Variants in FBLN1 observed in about 807,000 individuals in gnomAD.
FBLN1 encodes fibulin-1.
Under a neutral mutation model 89.7 loss-of-function variants are expected in FBLN1, and 34 were observed. That is an observed-to-expected ratio of 0.38 (90% CI 0.29 to 0.50). The LOEUF (loss-of-function observed/expected upper bound fraction) is 0.50, where lower values mean the gene tolerates loss of function less well. Ranked by LOEUF, FBLN1 falls within the 20% of genes least tolerant of loss-of-function variation. The probability of loss-of-function intolerance (pLI) is 0.92; values close to 1 mark genes in which losing one functional copy is unlikely to be tolerated. For synonymous variants in FBLN1, 393 were observed against 391.3 expected, an observed-to-expected ratio of 1.00 and a Z score of -0.05; for missense variants, 777 against 988.1, an observed-to-expected ratio of 0.79 and a Z score of 2.86.
In FBLN1 at chr22:45,583,083, G is replaced by A. The variant is rs1296961888; in HGVS notation, c.1972+5975G>A. Among the ~76,000 whole-genome samples, 2 of 152,168 alleles carry A rather than the reference G, an allele frequency of 1.3e-5. No individual in the cohort carries two copies. The highest frequency in any genetic ancestry group is 4.8e-5 in the African/African-American group (2 of 41,446). On this transcript the variant is annotated intron_variant, in intron 16 of 16. Coordinates refer to ENST00000327858, the MANE Select transcript of FBLN1 (RefSeq NM_006486.3). The surrounding 1 kb of genome is among the most constrained non-coding windows in gnomAD (Gnocchi z 4.5). ...TGCTGTTAGATCCTCGAGCAGCCTT[G>A]TGGGACAGCCACCCTGGGGCTGGTA...
At chr22:45,571,881 A>G (rs2088956016) in intron 14 of FBLN1, among the ~76,000 whole-genome samples, 1 of 152,196 alleles carries the variant, frequency 6.6e-6, no homozygotes. Flanking sequence ...CTATAATCCC[A>G]GCACTATGGG....
chr22:45,547,387 T>TG (rs1491484336), intron 12 of FBLN1, among the ~76,000 whole-genome samples, 183 bp downstream of exon 12: 1 of 12,226 alleles, frequency 8.2e-5, no homozygotes, highest in East Asian at 1.7e-3. Context: ...CCAACTGAGG[T>TG]TTTTTTTTTT....
chr22:45,573,569 T>C (rs2088968056), intron 14 of FBLN1, among the ~76,000 whole-genome samples: 2 of 149,144 alleles, frequency 1.3e-5, no homozygotes, highest in East Asian at 4.0e-4. Flanking sequence ...TAATCCCAGC[T>C]ACTCAGGAGG....
intron 16 of FBLN1, 96 bp from the exon 17 acceptor site, chr22:45,600,211 T>C (rs528122778): frequency 1.5e-5 from 23 of 1,486,980 alleles, no homozygotes; most frequent in Middle Eastern, 2.1e-4. Flanking sequence ...TATGCCTCCT[T>C]CTAGCTCTGA....
intron 14 of FBLN1, among the ~76,000 whole-genome samples, chr22:45,564,247 C>T (rs935185138): frequency 1.3e-5 from 2 of 152,228 alleles, no homozygotes; most frequent in South Asian, 4.1e-4. Context: ...CATCTGTCCC[C>T]CTCTGCTGCT....
Position 45,581,454 on chromosome 22 carries a change from C to T in FBLN1, c.1972+4346C>T, listed in dbSNP as rs1385818986. Among the ~76,000 whole-genome samples, 2 of 152,100 alleles carry T rather than the reference C, an allele frequency of 1.3e-5. No homozygotes were observed. Among genetic ancestry groups the T allele is most frequent in the East Asian group, 1.9e-4 (1 of 5,170 alleles). On this transcript the variant is annotated intron_variant, in intron 16 of 16. Transcript: ENST00000327858. This position sits in a 1 kb window ranked among gnomAD's most constrained non-coding sequence, Gnocchi z 7.6. ...GGGCCTGGCCTGCAAAAACGCCCTC[C>T]CTATTTCTCCAGGGAGGGAAATCTG...
At position 45,597,900 on chromosome 22, in the gene FBLN1, A is replaced by C. The variant is rs892570596; in HGVS notation, c.1973-2407A>C. Among the ~76,000 whole-genome samples the C allele has an allele frequency of 6.6e-6, 1 of 152,110 alleles. No homozygotes were observed. Among genetic ancestry groups the C allele is most frequent in the African/African-American group, 2.4e-5 (1 of 41,424 alleles). ...TAAGCCCAGAGAGCGAAAGGGGGGAACGTTGTGCCCAGATTCTCTTTCTGA... is the reference window on the plus strand; with the variant it reads ...TAAGCCCAGAGAGCGAAAGGGGGGACCGTTGTGCCCAGATTCTCTTTCTGA... On this transcript the variant is annotated intron_variant, in intron 16 of 16. Transcript: ENST00000327858. This position sits in a 1 kb window ranked among gnomAD's most constrained non-coding sequence, Gnocchi z 4.2.
intron 8 of FBLN1, among the ~76,000 whole-genome samples, chr22:45,539,839 A>C (rs2088531863): frequency 6.6e-6 from 1 of 152,214 alleles, no homozygotes; most frequent in African/African-American, 2.4e-5. Context: ...GTTCTGTGGA[A>C]CAGAGTTTGG....
chr22:45,508,990 G>A (rs1297419018), intron 1 of FBLN1, among the ~76,000 whole-genome samples: 1 of 152,194 alleles, frequency 6.6e-6, no homozygotes, highest in African/African-American at 2.4e-5. Context: ...GCATATGTGT[G>A]TGCATTGGCG....
chr22:45,518,835 A>G, intron 2 of FBLN1, 48 bp downstream of exon 2: 2 of 1,480,484 alleles, frequency 1.4e-6, no homozygotes, highest in Non-Finnish European at 1.9e-6. Context: ...GTTCCTTTAG[A>G]GAAAAGTGGG....
intron 1 of FBLN1, among the ~76,000 whole-genome samples, chr22:45,514,696 G>A (rs984992184): frequency 6.6e-6 from 1 of 152,292 alleles, no homozygotes; most frequent in East Asian, 1.9e-4. Flanking sequence ...CCCTTGCCCT[G>A]GCTCTGTTTA....
intron 1 of FBLN1, among the ~76,000 whole-genome samples, chr22:45,510,705 C>T (rs996850391): frequency 6.6e-6 from 1 of 152,118 alleles, no homozygotes; most frequent in Admixed American, 6.5e-5. Flanking sequence ...AGAAAGAGCA[C>T]GTGGCCATAT....
rs532634606 is a variant in FBLN1 at position 45,525,622 on chromosome 22, G to A, written c.265G>A (p.Asp89Asn). The A allele has an allele frequency of 1.9e-6, 3 of 1,551,112 alleles. No homozygotes were observed. Among genetic ancestry groups the A allele is most frequent in the Non-Finnish European group, 2.6e-6 (3 of 1,146,954 alleles). Residue 89 changes from aspartate (D) to asparagine (N), a missense_variant, in exon 3 of 17, where the codon GAC (aspartate) becomes AAC (asparagine). Asp to Asn is a conservative substitution (Grantham distance 23). Coordinates refer to ENST00000327858, the MANE Select transcript of FBLN1 (RefSeq NM_006486.3). ...GGGCATCAGCCTGGCCAACGAGCAG[G>A]ACCGCTGTGCCACGCCCCACGGTGA... ...ATGISLANEQ[D>N]RCATPHGDNA...
At chr22:45,567,343 C>T (rs779157333) in intron 14 of FBLN1, among the ~76,000 whole-genome samples, 5 of 152,168 alleles carry the variant, frequency 3.3e-5, no homozygotes, top group African/African-American at 7.2e-5. Context: ...GGGCCAGGTG[C>T]GGTGGCTCAT....
At chr22:45,598,739 G>T (rs779854822) in intron 16 of FBLN1, among the ~76,000 whole-genome samples, 5 of 152,236 alleles carry the variant, frequency 3.3e-5, no homozygotes, top group Admixed American at 6.5e-5. Flanking sequence ...TAGCACATGT[G>T]TGCATGCGAA....
chr22:45,508,658 T>A (rs1044058030), intron 1 of FBLN1, among the ~76,000 whole-genome samples: 1 of 152,182 alleles, frequency 6.6e-6, no homozygotes, highest in Non-Finnish European at 1.5e-5. Flanking sequence ...GTATGAGCTT[T>A]ACAGTCAGAG....
intron 16 of FBLN1, among the ~76,000 whole-genome samples, chr22:45,592,502 A>G (rs551191295): frequency 1.3e-5 from 2 of 151,914 alleles, no homozygotes; most frequent in African/African-American, 4.8e-5. Context: ...TAATTTTTGT[A>G]TTTTTAGTAG....
At chr22:45,543,320 T>G in intron 10 of FBLN1, 81 bp from the exon 11 acceptor site, 411 of 1,537,710 alleles carry the variant, frequency 2.7e-4, no homozygotes, top group Non-Finnish European at 3.3e-4. Flanking sequence ...ACAAAGGACA[T>G]GAGCTGGCCT....
chr22:45,600,552 T>G lies in FBLN1; in HGVS notation c.*106T>G, dbSNP rs1197275571. Reference sequence around the variant, plus strand: ...ACCCTCAGACTTTTTTAATGTTAGGTATTTGTAGCATTAGGCCAACATGTA... The same window carrying G: ...ACCCTCAGACTTTTTTAATGTTAGGGATTTGTAGCATTAGGCCAACATGTA... On this transcript the variant is annotated 3_prime_UTR_variant, in exon 17 of 17. Transcript: ENST00000327858. 2 of 1,307,188 alleles carry G rather than the reference T, an allele frequency of 1.5e-6. No homozygotes were observed. The highest frequency in any genetic ancestry group is 2.2e-6 in the Non-Finnish European group (2 of 902,538). 81.0% of individuals were successfully genotyped at this position (1,307,188 alleles called of 1,614,324 possible). A position where few individuals can be genotyped will look rare whatever the true frequency, so the allele number is the denominator to read the frequency against.
Sources: allele counts gnomAD v4.1 joint callset (sites outside exome capture counted in the v4.1 genomes callset), GRCh38; gene constraint gnomAD v4.1.1; non-coding constraint Gnocchi (gnomAD v3.1); transcripts MANE v1.5; gene names NCBI Gene and HGNC (gene_info 2026-07-23, HGNC 2026-07-21).